CTIF: variants seen among roughly 807,000 people sequenced by gnomAD.
CTIF encodes the protein CBP80/20-dependent translation initiation factor.
A neutral mutation model predicts 66.0 loss-of-function variants in CTIF; 21 were observed. The ratio of observed to expected loss-of-function variants is 0.32; its 90% CI spans 0.23 to 0.46. The LOEUF (loss-of-function observed/expected upper bound fraction) is 0.46. Ranked by LOEUF, CTIF falls within the 20% of genes least tolerant of loss-of-function variation. CTIF has a pLI of 1.00. For missense variants in CTIF, 739 were observed against 812.7 expected, an observed-to-expected ratio of 0.91 and a Z score of 1.10; for synonymous variants, 345 against 326.4, an observed-to-expected ratio of 1.06 and a Z score of -0.62.
At chr18:48,812,019 G>T (rs879851159) in intron 9 of CTIF, among the ~76,000 whole-genome samples, 1 of 152,218 alleles carries the variant, frequency 6.6e-6, no homozygotes, top group Non-Finnish European at 1.5e-5. Context: ...CTGGGGTGCA[G>T]TGGCATGATC....
intron 9 of CTIF, among the ~76,000 whole-genome samples, chr18:48,783,523 C>A (rs1338880124): frequency 6.6e-6 from 1 of 152,194 alleles, no homozygotes; most frequent in African/African-American, 2.4e-5. Flanking sequence ...GGATACCCAG[C>A]TCTCCTGGCA....
chr18:48,606,396 T>C (rs550397383), intron 1 of CTIF, among the ~76,000 whole-genome samples: 8 of 152,246 alleles, frequency 5.3e-5, no homozygotes, highest in African/African-American at 1.9e-4. Flanking sequence ...TGTTCCAGGG[T>C]CCCCATATGG....
At chr18:48,639,417 C>T (rs773700424) in intron 3 of CTIF, among the ~76,000 whole-genome samples, 35 of 152,128 alleles carry the variant, frequency 2.3e-4, no homozygotes, top group Non-Finnish European at 4.3e-4. Flanking sequence ...GCACCCTGCA[C>T]GGCATGAGAT....
intron 9 of CTIF, among the ~76,000 whole-genome samples, chr18:48,775,446 C>T (rs1482529685): frequency 3.9e-5 from 6 of 152,232 alleles, no homozygotes; most frequent in African/African-American, 1.2e-4. Flanking sequence ...GAGATTCTTC[C>T]ACAAGTCCAG....
At chr18:48,747,462 A>T (rs895283709) in intron 7 of CTIF, among the ~76,000 whole-genome samples, 1 of 152,214 alleles carries the variant, frequency 6.6e-6, no homozygotes, top group East Asian at 1.9e-4. Flanking sequence ...GTGGCGGCCC[A>T]CATGCAGCTC....
chr18:48,857,688 T>C (rs2069362251), intron 11 of CTIF, 47 bp downstream of exon 11: 2 of 1,565,504 alleles, frequency 1.3e-6, no homozygotes, highest in Non-Finnish European at 8.7e-7. Context: ...CCGGTGCATC[T>C]CTCATGCCTT....
chr18:48,594,360 T>C (rs1399661335), intron 1 of CTIF, among the ~76,000 whole-genome samples: 3 of 98,864 alleles, frequency 3.0e-5, no homozygotes, highest in Non-Finnish European at 5.5e-5. Context: ...GCCTCGAAAA[T>C]TATATAGCCA....
chr18:48,587,028 C>T (rs901158474), intron 1 of CTIF, among the ~76,000 whole-genome samples: 4 of 152,062 alleles, frequency 2.6e-5, no homozygotes, highest in Non-Finnish European at 4.4e-5. Flanking sequence ...ACCTACACAA[C>T]CCACTGTGGC....
intron 1 of CTIF, among the ~76,000 whole-genome samples, chr18:48,548,853 G>A (rs1291541925): frequency 6.6e-6 from 1 of 152,252 alleles, no homozygotes; most frequent in Admixed American, 6.5e-5. Context: ...AGGTAAGCCT[G>A]GCAGGGTCCC....
At chr18:48,581,803 G>A (rs901271927) in intron 1 of CTIF, among the ~76,000 whole-genome samples, 3 of 152,210 alleles carry the variant, frequency 2.0e-5, no homozygotes, top group Admixed American at 6.5e-5. Context: ...AGCAAGGCAG[G>A]GAGGGACAGC....
rs115539308 is a variant in CTIF at position 48,546,184 on chromosome 18, A to G, written c.-29+6872A>G. Among the ~76,000 whole-genome samples, 473 of 152,224 alleles carry G rather than the reference A, an allele frequency of 3.1e-3. 2 individuals are homozygous for G. The highest frequency in any genetic ancestry group is 0.011 in the African/African-American group (436 of 41,508). On this transcript the variant is annotated intron_variant, in intron 1 of 11. Transcript: ENST00000256413. Reference sequence around the variant, plus strand: ...CAGGGAAGAGTGGAATGCAACTTAAATAGAGTGTTGCAGATCCCTCTCTTC... The same window carrying G: ...CAGGGAAGAGTGGAATGCAACTTAAGTAGAGTGTTGCAGATCCCTCTCTTC...
intron 7 of CTIF, among the ~76,000 whole-genome samples, chr18:48,752,878 C>A (rs1241797224): frequency 1.3e-5 from 2 of 152,194 alleles, no homozygotes; most frequent in African/African-American, 2.4e-5. Flanking sequence ...TGGTTGACTC[C>A]CTCATGAGGG....
chr18:48,764,594 G>A lies in CTIF; in HGVS notation c.1371+2905G>A, dbSNP rs139005006. The stretch of plus-strand genomic sequence containing the variant: ...CCTGCAGGGACAGCTGAAGTCCAGG[G>A]CAAGAAGGGAACCCCCCACCCAAGG... On this transcript the variant is annotated intron_variant, in intron 9 of 11. Coordinates refer to ENST00000256413, the MANE Select transcript of CTIF (RefSeq NM_014772.3). Among the ~76,000 whole-genome samples, 351 of 152,266 alleles carry A rather than the reference G, an allele frequency of 2.3e-3. 3 individuals are homozygous for A. The highest frequency in any genetic ancestry group is 7.9e-3 in the African/African-American group (330 of 41,554).
At chr18:48,815,201 C>T (rs2068337412) in intron 9 of CTIF, among the ~76,000 whole-genome samples, 1 of 152,214 alleles carries the variant, frequency 6.6e-6, no homozygotes, top group South Asian at 2.1e-4. Context: ...TATCCCATTG[C>T]ATCATGTTGT....
intron 10 of CTIF, among the ~76,000 whole-genome samples, chr18:48,857,068 T>C (rs1056465296): frequency 6.6e-6 from 1 of 152,156 alleles, no homozygotes; most frequent in African/African-American, 2.4e-5. Context: ...CACAGGTTTG[T>C]GGGTTTGAAA....
chr18:48,736,972 C>T (rs2092508981), intron 7 of CTIF, among the ~76,000 whole-genome samples: 1 of 152,194 alleles, frequency 6.6e-6, no homozygotes, highest in Non-Finnish European at 1.5e-5. Context: ...TGCTTGACCC[C>T]TGCTTTGCAT....
Position 48,862,497 on chromosome 18 carries a change from G to C in CTIF, c.*2938G>C, listed in dbSNP as rs1459766854. On this transcript the variant is annotated 3_prime_UTR_variant, in exon 12 of 12. Transcript: ENST00000256413. ...CCAGCGAGGCCCCCAACCTCACCCAGACGAGGCCAGGAGCCCCGCCACCCT... is the reference window on the plus strand; with the variant it reads ...CCAGCGAGGCCCCCAACCTCACCCACACGAGGCCAGGAGCCCCGCCACCCT... 1 of 152,598 alleles carries C rather than the reference G, an allele frequency of 6.6e-6. No individual in the cohort carries two copies. The highest frequency in any genetic ancestry group is 1.5e-5 in the Non-Finnish European group (1 of 68,064). 9.5% of individuals were successfully genotyped at this position (152,598 alleles called of 1,614,324 possible).
intron 7 of CTIF, among the ~76,000 whole-genome samples, chr18:48,746,551 G>A (rs1260928121): frequency 6.6e-6 from 1 of 151,604 alleles, no homozygotes; most frequent in Non-Finnish European, 1.5e-5. Flanking sequence ...AGGAGGTCCA[G>A]GCTGGCCAGG....
chr18:48,650,001 TA>T (rs1406717950), intron 3 of CTIF, among the ~76,000 whole-genome samples: 7 of 152,134 alleles, frequency 4.6e-5, no homozygotes, highest in Non-Finnish European at 8.8e-5. Context: ...CAAAGTTAGA[TA>T]AAACCACAAA....
Sources: allele counts gnomAD v4.1 joint callset (sites outside exome capture counted in the v4.1 genomes callset), GRCh38; gene constraint gnomAD v4.1.1; transcripts MANE v1.5; gene names NCBI Gene and HGNC (gene_info 2026-07-23, HGNC 2026-07-21).